Variants in WASHC4 observed in about 807,000 individuals in gnomAD.
WASHC4 encodes the protein WASH complex subunit 7.
A neutral mutation model predicts 166.6 loss-of-function variants in WASHC4; 86 were observed. That is an observed-to-expected ratio of 0.52 (90% CI 0.43 to 0.62). The LOEUF is 0.62. Among genes scored for constraint, WASHC4 ranks in the 20% least tolerant of loss-of-function variants. The pLI is 0.00. For synonymous variants in WASHC4, 446 were observed against 451.6 expected (o/e 0.99, Z 0.16); for missense variants, 1,262 against 1,382.4 (o/e 0.91, Z 1.38).
intron 28 of WASHC4, among the ~76,000 whole-genome samples, chr12:105,157,657 T>C (rs1425842112): frequency 1.3e-5 from 2 of 152,190 alleles, no homozygotes; most frequent in Admixed American, 1.3e-4. Flanking sequence ...ATAAAATTCA[T>C]TTCACCTATT....
At chr12:105,134,589 T>G (rs373928164) in intron 14 of WASHC4, among the ~76,000 whole-genome samples, 29 of 152,150 alleles carry the variant, frequency 1.9e-4, no homozygotes, top group African/African-American at 6.5e-4. Context: ...ATATTCCTTG[T>G]TATCTCTAGT....
At chr12:105,130,722 A>G (rs1057434774) in intron 13 of WASHC4, among the ~76,000 whole-genome samples, 1 of 152,124 alleles carries the variant, frequency 6.6e-6, no homozygotes, top group Non-Finnish European at 1.5e-5. Context: ...CCCATACTAT[A>G]CACCAGACCC....
At position 105,121,160 on chromosome 12, in the gene WASHC4, T is replaced by C; in HGVS notation, c.621T>C (p.Ile207=). 6.2e-7 allele frequency: 1 copy of C among 1,611,966 alleles called. No individual in the cohort carries two copies. Among genetic ancestry groups the C allele is most frequent in the Non-Finnish European group, 8.5e-7 (1 of 1,178,424 alleles). ...LTVLLTLDEI[I]DNHITLKDHW... is the part of the protein sequence containing the mutation. ...TTTTGCTCACCCTGGATGAAATTATTGATAATCATATCACACTGAAAGACC... is the reference window on the plus strand; with the variant it reads ...TTTTGCTCACCCTGGATGAAATTATCGATAATCATATCACACTGAAAGACC... The change falls in exon 9 of 33, where the codon ATT becomes ATC. Residue 207 remains isoleucine, a synonymous_variant. Transcript: ENST00000332180.
Position 105,118,363 on chromosome 12 carries a change from T to TA in WASHC4, c.436-82dup, listed in dbSNP as rs559592796. 381 of 987,190 alleles carry TA rather than the reference T, an allele frequency of 3.9e-4. 2 individuals are homozygous for TA. The South Asian group carries it at 4.7e-3, about 12-fold the overall frequency. The allele number at this position is 987,190 out of a possible 1,614,324, so 61.2% of individuals were successfully genotyped here. ...TATTGGAAAACTGTTTTGTTTTTGTTAGAGTTGTTACCATAAAATTCAGTA... is the reference window on the plus strand; with the variant it reads ...TATTGGAAAACTGTTTTGTTTTTGTTAAGAGTTGTTACCATAAAATTCAGTA... On this transcript the variant is annotated intron_variant, in intron 6 of 32. Coordinates refer to ENST00000332180, the MANE Select transcript of WASHC4 (RefSeq NM_015275.3).
intron 12 of WASHC4, 81 bp downstream of exon 12, chr12:105,126,443 A>G: frequency 9.2e-7 from 1 of 1,089,762 alleles, no homozygotes; most frequent in Non-Finnish European, 1.3e-6. Context: ...AATGCATTTT[A>G]TTCCTGTTTA....
intron 13 of WASHC4, among the ~76,000 whole-genome samples, chr12:105,127,989 T>C (rs1381548098): frequency 6.6e-6 from 1 of 152,226 alleles, no homozygotes; most frequent in Non-Finnish European, 1.5e-5. Context: ...CTTGAGTACA[T>C]GGCTAAAATC....
At chr12:105,154,410 A>G (rs1883993422) in intron 26 of WASHC4, among the ~76,000 whole-genome samples, 1 of 152,194 alleles carries the variant, frequency 6.6e-6, no homozygotes, top group Non-Finnish European at 1.5e-5. Flanking sequence ...AGGTGTAAAG[A>G]ATCTGGGAGC....
chr12:105,108,913 A>G (rs1879363289), intron 1 of WASHC4, among the ~76,000 whole-genome samples: 2 of 152,214 alleles, frequency 1.3e-5, no homozygotes, highest in East Asian at 3.9e-4. Flanking sequence ...AGTTTTTCAC[A>G]AAACATTCCT....
chr12:105,166,229 T>TA (rs988860056), intron 32 of WASHC4, among the ~76,000 whole-genome samples: 28 of 152,192 alleles, frequency 1.8e-4, no homozygotes, highest in Non-Finnish European at 3.8e-4. Flanking sequence ...TGCTCAGAGA[T>TA]ATAGTCAGTT....
intron 13 of WASHC4, among the ~76,000 whole-genome samples, chr12:105,129,468 G>A (rs1220870959): frequency 6.6e-6 from 1 of 152,184 alleles, no homozygotes; most frequent in Non-Finnish European, 1.5e-5. Flanking sequence ...GTAACCATGT[G>A]TCATGGGGGT....
At position 105,167,806 on chromosome 12, in the gene WASHC4, A is replaced by C. The variant is rs1884887220; in HGVS notation, c.*875A>C. 6.6e-6 allele frequency: 1 copy of C among 152,486 alleles called. No homozygotes were observed. The highest frequency in any genetic ancestry group is 2.1e-4 in the South Asian group (1 of 4,834). 9.4% of individuals were successfully genotyped at this position (152,486 alleles called of 1,614,324 possible). A position where few individuals can be genotyped will look rare whatever the true frequency, so the allele number is the denominator to read the frequency against. On this transcript the variant is annotated 3_prime_UTR_variant, in exon 33 of 33. Coordinates refer to ENST00000332180, the MANE Select transcript of WASHC4 (RefSeq NM_015275.3). ...TTGGGTAGACTTTTTTTTTATATCA[A>C]GTATAATTTAAAACATCAGATTAAA... is the stretch of plus-strand genomic sequence containing the variant.
chr12:105,124,846 T>C (rs1057279818), intron 10 of WASHC4, among the ~76,000 whole-genome samples: 3 of 152,192 alleles, frequency 2.0e-5, no homozygotes, highest in Non-Finnish European at 4.4e-5. Context: ...GGAATGTAAT[T>C]TGGGTTTGCA....
At chr12:105,139,097 G>T (rs1882570702) in intron 15 of WASHC4, among the ~76,000 whole-genome samples, 1 of 152,084 alleles carries the variant, frequency 6.6e-6, no homozygotes, top group South Asian at 2.1e-4. Context: ...TATATTAGTG[G>T]AGCAGTATTT....
intron 15 of WASHC4, 37 bp downstream of exon 15, chr12:105,138,048 G>A (rs758186563): frequency 1.3e-6 from 2 of 1,596,218 alleles, no homozygotes; most frequent in Non-Finnish European, 1.7e-6. Flanking sequence ...CATCATAATT[G>A]AGAAATGACC....
At position 105,142,011 on chromosome 12, in the gene WASHC4, G is replaced by T. The variant is rs375425541; in HGVS notation, c.1788-442G>T. Reference sequence around the variant, plus strand: ...GTGGGTTTTTTTTTGGGGCGGGGGGGGTCACAATTTTTTTTTTTTAAAAGA... The same window carrying T: ...GTGGGTTTTTTTTTGGGGCGGGGGGTGTCACAATTTTTTTTTTTTAAAAGA... On this transcript the variant is annotated intron_variant, in intron 18 of 32. Coordinates refer to ENST00000332180, the MANE Select transcript of WASHC4 (RefSeq NM_015275.3). 2.0e-3 allele frequency among the ~76,000 whole-genome samples: 135 copies of T among 66,618 alleles called. 2 individuals are homozygous for T. Among genetic ancestry groups the T allele is most frequent in the African/African-American group, 8.1e-3 (128 of 15,782 alleles). 43.7% of individuals were successfully genotyped at this position (66,618 alleles called of 152,430 possible).
chr12:105,139,937 G>A (rs1011985218), intron 15 of WASHC4, among the ~76,000 whole-genome samples: 1 of 150,484 alleles, frequency 6.6e-6, no homozygotes, highest in African/African-American at 2.4e-5. Flanking sequence ...AGGCTGGAGT[G>A]CAGTGGCGCC....
intron 2 of WASHC4, among the ~76,000 whole-genome samples, chr12:105,112,935 G>A (rs1376195183): frequency 6.6e-6 from 1 of 152,074 alleles, no homozygotes; most frequent in Admixed American, 6.5e-5. Context: ...TGACTCCAGA[G>A]CCTGTGCCCT....
chr12:105,122,083 G>A, intron 9 of WASHC4, 35 bp from the exon 10 acceptor site: 3 of 1,472,956 alleles, frequency 2.0e-6, no homozygotes, highest in Non-Finnish European at 2.8e-6. Context: ...AATTTATTAG[G>A]TAGATTTAAG....
At chr12:105,130,539 A>T (rs1392762382) in intron 13 of WASHC4, among the ~76,000 whole-genome samples, 6 of 152,236 alleles carry the variant, frequency 3.9e-5, no homozygotes, top group Non-Finnish European at 7.3e-5. Context: ...AAGGAAACCT[A>T]AAATTCACTC....
Sources: gnomAD v4.1 joint callset for allele counts (sites outside exome capture counted in the v4.1 genomes callset) on GRCh38, gnomAD v4.1.1 for gene constraint, MANE v1.5 for transcripts, NCBI Gene and HGNC (gene_info 2026-07-23, HGNC 2026-07-21) for gene names.